The following ASXL1 variants were observed in gnomAD, a reference collection of about 807,000 sequenced individuals.
ASXL1 encodes the protein polycomb group protein ASXL1.
In ASXL1, 65 loss-of-function variants were observed where a neutral mutation model predicts 89.1. The observed-to-expected ratio is 0.73, with a 90% CI of 0.60 to 0.90. The LOEUF is 0.90. ASXL1 is among the 40% of genes least tolerant of loss of function. The pLI is 0.00. For synonymous variants in ASXL1, 739 were observed against 746.9 expected, an observed-to-expected ratio of 0.99 and a Z score of 0.17; for missense variants, 1,786 against 1,942.9, an observed-to-expected ratio of 0.92 and a Z score of 1.52.
At chr20:32,378,306 C>T (rs907128274) in intron 4 of ASXL1, among the ~76,000 whole-genome samples, 4 of 151,954 alleles carry the variant, frequency 2.6e-5, no homozygotes, top group Admixed American at 1.3e-4. Flanking sequence ...AGGCGTGAAC[C>T]ACCATGCCCA....
At chr20:32,359,789 C>G (rs1361350029) in intron 1 of ASXL1, 2 of 718,026 alleles carry the variant, frequency 2.8e-6, no homozygotes, top group East Asian at 5.4e-5. Context: ...AGAGGACTTG[C>G]AGGTGAAATA....
At chr20:32,369,640 G>C (rs749271789) in intron 4 of ASXL1, among the ~76,000 whole-genome samples, 1 of 148,850 alleles carries the variant, frequency 6.7e-6, no homozygotes, top group Non-Finnish European at 1.5e-5. Context: ...TCTTGTTTGT[G>C]TGTTCATCTT....
chr20:32,435,213 A>T lies in ASXL1; in HGVS notation c.2501A>T (p.His834Leu), dbSNP rs2011749178. ...GGAACTGGCCAAGCTCTTGACAGTC[A>T]TCCCACTATGAAGGATCCTGTAAAT... is the stretch of plus-strand genomic sequence containing the variant. ...EKGTGQALDS[H>L]PTMKDPVNVT... The change falls in exon 13 of 13, where the codon CAT becomes CTT. Residue 834 changes from histidine to leucine, a missense_variant. Around this residue, in one of 3 missense-constraint regions of ASXL1, gnomAD observed 1,418 missense variants for 1,427.8 expected, o/e 0.99. Coordinates refer to ENST00000375687, the MANE Select transcript of ASXL1 (RefSeq NM_015338.6). 8 of 1,614,036 alleles carry T rather than the reference A, an allele frequency of 5.0e-6. No individual in the cohort carries two copies. In the East Asian group the frequency reaches 1.3e-4, roughly 27 times the overall value.
In ASXL1 at chr20:32,429,228, G is replaced by A. The variant is rs2011440470; in HGVS notation, c.472-110G>A. 1.8e-6 allele frequency: 2 copies of A among 1,083,716 alleles called. No individual in the cohort carries two copies. Among genetic ancestry groups the A allele is most frequent in the Middle Eastern group, 2.0e-4 (1 of 4,884 alleles). 67.1% of individuals were successfully genotyped at this position (1,083,716 alleles called of 1,614,324 possible). On this transcript the variant is annotated intron_variant, in intron 6 of 12. Coordinates refer to ENST00000375687, the MANE Select transcript of ASXL1 (RefSeq NM_015338.6). The surrounding 1 kb of genome is among the most constrained non-coding windows in gnomAD (Gnocchi z 4.9). ...TCAGCATTATTTGACAGATCTGGTT[G>A]AAGACGAACTTCATTTTACAAGAGC...
intron 4 of ASXL1, among the ~76,000 whole-genome samples, chr20:32,410,634 G>T (rs1224818281): frequency 1.3e-5 from 2 of 152,158 alleles, no homozygotes; most frequent in African/African-American, 4.8e-5. Flanking sequence ...GAAACTTCGG[G>T]TAGAGGGCAC....
intron 4 of ASXL1, among the ~76,000 whole-genome samples, chr20:32,383,345 C>T (rs965644495): frequency 1.3e-5 from 2 of 151,254 alleles, no homozygotes; most frequent in Non-Finnish European, 2.9e-5. Flanking sequence ...CTGTCTCTGT[C>T]GCCCAGGCTA....
chr20:32,371,492 G>T (rs1256897857), intron 4 of ASXL1, among the ~76,000 whole-genome samples: 1 of 152,060 alleles, frequency 6.6e-6, no homozygotes, highest in African/African-American at 2.4e-5. Context: ...TTGCCATGTT[G>T]CCCAGGCTGG....
chr20:32,366,495 A>C, intron 2 of ASXL1, 29 bp downstream of exon 2: 5 of 1,613,036 alleles, frequency 3.1e-6, no homozygotes, highest in Non-Finnish European at 4.2e-6. Flanking sequence ...GCTTAACATG[A>C]GGGTTTCATA....
In ASXL1 at chr20:32,438,948, A is replaced by G. The variant is rs562894520; in HGVS notation, c.*1610A>G. The G allele has an allele frequency of 4.3e-6, 1 of 233,530 alleles. No individual in the cohort carries two copies. Among genetic ancestry groups the G allele is most frequent in the Admixed American group, 5.6e-5 (1 of 17,804 alleles). The allele number at this position is 233,530 out of a possible 1,614,324, so 14.5% of individuals were successfully genotyped here. A position where few individuals can be genotyped will look rare whatever the true frequency, so the allele number is the denominator to read the frequency against. On this transcript the variant is annotated 3_prime_UTR_variant, in exon 13 of 13. Transcript: ENST00000375687. Reference sequence around the variant, plus strand: ...TGTATTTCGACTTATTACAGAGTTGAGGGTTCTTGCTTAATTTAGATCAAG... The same window carrying G: ...TGTATTTCGACTTATTACAGAGTTGGGGGTTCTTGCTTAATTTAGATCAAG...
At chr20:32,421,385 TA>T (rs1391292941) in intron 4 of ASXL1, among the ~76,000 whole-genome samples, 3 of 151,906 alleles carry the variant, frequency 2.0e-5, no homozygotes, top group African/African-American at 7.3e-5. Flanking sequence ...ATGGCTAAAA[TA>T]AAACTGCCAG....
intron 4 of ASXL1, chr20:32,371,650 A>T: frequency 3.9e-6 from 1 of 254,420 alleles, no homozygotes; most frequent in South Asian, 3.8e-5. Context: ...TGTTGTCCAC[A>T]GCTGGAGTGC....
At chr20:32,415,939 AAAAACAAAAAC>A (rs1020792126) in intron 4 of ASXL1, among the ~76,000 whole-genome samples, 22 of 150,166 alleles carry the variant, frequency 1.5e-4, no homozygotes, top group African/African-American at 5.5e-4. Flanking sequence ...AAAAGAAAAC[AAAAACAAAAAC>A]AAAACAAACC....
At position 32,398,632 on chromosome 20, in the gene ASXL1, C is replaced by T. The variant is rs1479841777; in HGVS notation, c.253-29496C>T. On this transcript the variant is annotated intron_variant, in intron 4 of 12. Coordinates refer to ENST00000375687, the MANE Select transcript of ASXL1 (RefSeq NM_015338.6). ...TTTTTTTTGTTTTTTTTTTTTGAGA[C>T]GGAGTCTTGCTCTGTCGCCCAGGCT... is the stretch of plus-strand genomic sequence containing the variant. 3.6e-5 allele frequency among the ~76,000 whole-genome samples: 4 copies of T among 110,108 alleles called. No homozygotes were observed. In the East Asian group the frequency reaches 8.7e-4, roughly 24 times the overall value. 72.2% of individuals were successfully genotyped at this position (110,108 alleles called of 152,430 possible). A position where few individuals can be genotyped will look rare whatever the true frequency, so the allele number is the denominator to read the frequency against.
intron 10 of ASXL1, 104 bp downstream of exon 10, chr20:32,431,783 T>C: frequency 8.2e-7 from 1 of 1,212,554 alleles, no homozygotes. Context: ...CAAAGGGTTA[T>C]TTAGTATAAG....
chr20:32,406,233 G>A (rs1390783378), intron 4 of ASXL1, among the ~76,000 whole-genome samples: 2 of 152,016 alleles, frequency 1.3e-5, no homozygotes, highest in South Asian at 4.2e-4. Flanking sequence ...CTTTCCATAT[G>A]TATAAGTCCT....
intron 4 of ASXL1, among the ~76,000 whole-genome samples, chr20:32,382,392 A>G (rs1177056641): frequency 3.3e-5 from 5 of 151,798 alleles, no homozygotes; most frequent in Non-Finnish European, 5.9e-5. Flanking sequence ...GAAGGAAAAA[A>G]CTGAACCCTT....
chr20:32,376,693 C>T (rs1014500354), intron 4 of ASXL1, among the ~76,000 whole-genome samples: 2 of 151,566 alleles, frequency 1.3e-5, no homozygotes, highest in Admixed American at 6.6e-5. Flanking sequence ...GATAAGCTTA[C>T]GTGCAGAATG....
At chr20:32,398,603 G>GTTTTT (rs375341392) in intron 4 of ASXL1, among the ~76,000 whole-genome samples, 14 of 126,442 alleles carry the variant, frequency 1.1e-4, no homozygotes, top group Non-Finnish European at 1.7e-4. Flanking sequence ...TTTTTTGTTT[G>GTTTTT]TTTTTTTTTT....
chr20:32,393,818 G>A (rs950826696), intron 4 of ASXL1, among the ~76,000 whole-genome samples: 2 of 151,926 alleles, frequency 1.3e-5, no homozygotes, highest in South Asian at 4.2e-4. Flanking sequence ...CTATTTGTCT[G>A]ATGTGGTGTT....
Sources: allele counts gnomAD v4.1 joint callset (sites outside exome capture counted in the v4.1 genomes callset), GRCh38; gene constraint gnomAD v4.1.1; regional missense constraint gnomAD v4.1.1; non-coding constraint Gnocchi (gnomAD v3.1); transcripts MANE v1.5; gene names NCBI Gene and HGNC (gene_info 2026-07-23, HGNC 2026-07-21).